The following POR variants were observed in gnomAD, a reference collection of about 807,000 sequenced individuals.
POR encodes NADPH--cytochrome P450 reductase.
In POR, 56 loss-of-function variants were observed where a neutral mutation model predicts 84.0. The ratio of observed to expected loss-of-function variants is 0.67; its 90% CI spans 0.54 to 0.83. The LOEUF (loss-of-function observed/expected upper bound fraction) is 0.83. POR is among the 40% of genes least tolerant of loss of function. The pLI, the probability that POR is intolerant of heterozygous loss-of-function variation, is 0.00. For missense variants in POR, 938 were observed against 944.3 expected (o/e 0.99, Z 0.09); for synonymous variants, 414 against 400.5 (o/e 1.03, Z -0.40).
Position 75,937,580 on chromosome 7 carries a change from G to C in POR, c.-4-16409G>C, listed in dbSNP as rs182007529. On this transcript the variant is annotated intron_variant, in intron 1 of 15. Coordinates refer to ENST00000461988, the MANE Select transcript of POR (RefSeq NM_000941.3). ...GTGGATCACCTGAGGTCAGGAGTTTGAGACCAGCCTGGCCAGCATGGCGAA... is the reference window on the plus strand; with the variant it reads ...GTGGATCACCTGAGGTCAGGAGTTTCAGACCAGCCTGGCCAGCATGGCGAA... Among the ~76,000 whole-genome samples the C allele has an allele frequency of 8.8e-3, 1,330 of 150,688 alleles. 24 individuals carry two copies. The highest frequency in any genetic ancestry group is 0.03 in the African/African-American group (1,227 of 41,074).
rs781996609 is a variant in POR, at chr7:75,985,418, C to G, written c.1399-161C>G. ...TCTGTCCAGCCCCGGTCCCCAGAAC[C>G]AGTCCGGGAAGCCGCTGGGGAGGGG... On this transcript the variant is annotated intron_variant, in intron 12 of 15. Coordinates refer to ENST00000461988, the MANE Select transcript of POR (RefSeq NM_000941.3). 1.9e-4 allele frequency: 213 copies of G among 1,140,134 alleles called. 2 individuals are homozygous for G. Among genetic ancestry groups the G allele is most frequent in the Non-Finnish European group, 2.5e-4 (208 of 833,976 alleles). 70.6% of individuals were successfully genotyped at this position (1,140,134 alleles called of 1,614,324 possible).
chr7:75,915,289 G>C (rs1222217801), intron 1 of POR, 110 bp downstream of exon 1: 2 of 152,738 alleles, frequency 1.3e-5, no homozygotes, highest in African/African-American at 4.8e-5. Flanking sequence ...CTGCGTCGGG[G>C]TGGGCCCTCG....
At chr7:75,956,377 C>A (rs782015669) in intron 2 of POR, among the ~76,000 whole-genome samples, 1 of 152,158 alleles carries the variant, frequency 6.6e-6, no homozygotes, top group African/African-American at 2.4e-5. Flanking sequence ...GAGGCCCTAC[C>A]TACAGTGTCC....
intron 1 of POR, among the ~76,000 whole-genome samples, chr7:75,945,159 T>TA (rs1787120657): frequency 6.6e-6 from 1 of 151,912 alleles, no homozygotes; most frequent in Admixed American, 6.6e-5. Flanking sequence ...GGCACACCTG[T>TA]AGTCCCACCT....
chr7:75,917,848 T>C (rs1427606911), intron 1 of POR, among the ~76,000 whole-genome samples: 1 of 152,138 alleles, frequency 6.6e-6, no homozygotes. Context: ...CCCAGGTGGC[T>C]ACAGCCTTAA....
chr7:75,985,431 C>T lies in POR; in HGVS notation c.1399-148C>T, dbSNP rs41301430. 1.2e-3 allele frequency: 1,366 copies of T among 1,170,784 alleles called. 13 individuals are homozygous for T. The African/African-American group carries it at 0.016, about 14-fold the overall frequency. The allele number at this position is 1,170,784 out of a possible 1,614,324, so 72.5% of individuals were successfully genotyped here. On this transcript the variant is annotated intron_variant, in intron 12 of 15. Transcript: ENST00000461988. ...GGTCCCCAGAACCAGTCCGGGAAGC[C>T]GCTGGGGAGGGGGCCTCTGAGGTTT...
chr7:75,943,597 A>G (rs1787047441), intron 1 of POR, among the ~76,000 whole-genome samples: 1 of 152,178 alleles, frequency 6.6e-6, no homozygotes, highest in South Asian at 2.1e-4. Context: ...TCTGCCCCCC[A>G]CATTCATTAT....
intron 2 of POR, among the ~76,000 whole-genome samples, chr7:75,969,252 C>A (rs1046318050): frequency 3.3e-5 from 5 of 152,332 alleles, no homozygotes; most frequent in African/African-American, 1.2e-4. Flanking sequence ...CAGTCAGGCA[C>A]TGGGGAGGCT....
chr7:75,928,635 T>C lies in POR; in HGVS notation c.-5+13456T>C, dbSNP rs375978889. Among the ~76,000 whole-genome samples, 96 of 152,326 alleles carry C rather than the reference T, an allele frequency of 6.3e-4. No individual in the cohort carries two copies. The Middle Eastern group carries it at 0.01, about 16-fold the overall frequency. The stretch of plus-strand genomic sequence containing the variant: ...AGTCACCTTATGGAGGCCAAGGGCC[T>C]AGCGGAGTCACCCTGCCCACACTAG... On this transcript the variant is annotated intron_variant, in intron 1 of 15. Coordinates refer to ENST00000461988, the MANE Select transcript of POR (RefSeq NM_000941.3).
chr7:75,936,823 ATTT>A lies in POR; in HGVS notation c.-4-17147_-4-17145del, dbSNP rs71519400. ...GGCTCTGTTTCTCTTATTATTATTA[ATTT>A]TTTTTTTTTTTTTTTTTTGAGACCG... On this transcript the variant is annotated intron_variant, in intron 1 of 15. Transcript: ENST00000461988. Among the ~76,000 whole-genome samples the A allele has an allele frequency of 1.6e-3, 195 of 123,564 alleles. 1 individual carries two copies. Among genetic ancestry groups the A allele is most frequent in the African/African-American group, 5.2e-3 (156 of 29,730 alleles). The allele number at this position is 123,564 out of a possible 152,430, so 81.1% of individuals were successfully genotyped here.
intron 1 of POR, among the ~76,000 whole-genome samples, chr7:75,939,280 G>C (rs1174920907): frequency 2.0e-5 from 3 of 152,242 alleles, no homozygotes; most frequent in African/African-American, 7.2e-5. Flanking sequence ...AAGCTCTGTG[G>C]GATTAGGAGC....
At chr7:75,933,361 A>G (rs187412472) in intron 1 of POR, among the ~76,000 whole-genome samples, 212 of 142,386 alleles carry the variant, frequency 1.5e-3, no homozygotes, top group Non-Finnish European at 2.6e-3. Flanking sequence ...TCACCATGTT[A>G]TACAATAGGT....
chr7:75,983,158 T>C (rs1563432416), intron 8 of POR, among the ~76,000 whole-genome samples: 1 of 152,102 alleles, frequency 6.6e-6, no homozygotes, highest in Admixed American at 6.6e-5. Context: ...CTGGCCAACA[T>C]GGTGAAACCC....
intron 2 of POR, among the ~76,000 whole-genome samples, chr7:75,966,889 C>T (rs1554555339): frequency 1.3e-5 from 2 of 152,174 alleles, no homozygotes; most frequent in African/African-American, 4.8e-5. Flanking sequence ...TTTCATGCTC[C>T]GTTCTGGAGC....
At chr7:75,963,885 T>TA (rs1372309337) in intron 2 of POR, among the ~76,000 whole-genome samples, 43 of 152,268 alleles carry the variant, frequency 2.8e-4, no homozygotes, top group African/African-American at 9.6e-4. Context: ...GAGAGCATCT[T>TA]AGAGGGCCTT....
chr7:75,935,088 G>T (rs1216646712), intron 1 of POR, among the ~76,000 whole-genome samples: 4 of 152,154 alleles, frequency 2.6e-5, no homozygotes, highest in Admixed American at 2.0e-4. Context: ...AAAGCCACAG[G>T]CTGTGAGAGC....
At chr7:75,963,146 C>A (rs1554554748) in intron 2 of POR, among the ~76,000 whole-genome samples, 1 of 152,164 alleles carries the variant, frequency 6.6e-6, no homozygotes, top group African/African-American at 2.4e-5. Flanking sequence ...GGAAGTGGAT[C>A]TGGGGGTCTT....
At chr7:75,983,977 A>AC in intron 10 of POR, 121 bp downstream of exon 10, 1 of 728,402 alleles carries the variant, frequency 1.4e-6, no homozygotes, top group South Asian at 2.1e-5. Flanking sequence ...AGGCCCTTGC[A>AC]CCGAGACTCC....
chr7:75,947,574 C>T (rs1321357980), intron 1 of POR, among the ~76,000 whole-genome samples: 5 of 152,156 alleles, frequency 3.3e-5, no homozygotes, highest in Non-Finnish European at 5.9e-5. Context: ...TGATTACAGG[C>T]GTTAGCCACC....
Sources: gnomAD v4.1 joint callset for allele counts (sites outside exome capture counted in the v4.1 genomes callset) on GRCh38, gnomAD v4.1.1 for gene constraint, MANE v1.5 for transcripts, NCBI Gene and HGNC (gene_info 2026-07-23, HGNC 2026-07-21) for gene names.